Variants in DPP10 observed in about 807,000 individuals in gnomAD.
DPP10 encodes the protein inactive dipeptidyl peptidase 10.
In DPP10, 33 loss-of-function variants were observed where a neutral mutation model predicts 120.9. The observed-to-expected ratio is 0.27, with a 90% CI of 0.21 to 0.37. The LOEUF is 0.37. DPP10 is among the 10% of genes least tolerant of loss of function. The pLI is 1.00. For missense variants in DPP10, 816 were observed against 942.8 expected (o/e 0.87, Z 1.76); for synonymous variants, 337 against 326.1 (o/e 1.03, Z -0.36).
At chr2:115,371,862 A>G (rs936398920) in intron 3 of DPP10, among the ~76,000 whole-genome samples, 2 of 152,116 alleles carry the variant, frequency 1.3e-5, no homozygotes, top group Non-Finnish European at 2.9e-5. Flanking sequence ...CAATTAAATA[A>G]TTTGCTGATA....
chr2:115,763,722 C>T (rs1680378568), intron 12 of DPP10, among the ~76,000 whole-genome samples: 1 of 152,162 alleles, frequency 6.6e-6, no homozygotes, highest in Admixed American at 6.6e-5. Flanking sequence ...TTAAAATATG[C>T]ATTTAATTGT....
chr2:115,011,707 G>A (rs1384699090), intron 1 of DPP10, among the ~76,000 whole-genome samples: 1 of 152,144 alleles, frequency 6.6e-6, no homozygotes. Flanking sequence ...AACAGAGCAG[G>A]ATGTGGAGGC....
At chr2:115,691,041 A>G (rs1017587643) in intron 7 of DPP10, among the ~76,000 whole-genome samples, 2 of 152,138 alleles carry the variant, frequency 1.3e-5, no homozygotes, top group Non-Finnish European at 2.9e-5. Flanking sequence ...AACTTTTCAT[A>G]TGGTTACTGG....
intron 1 of DPP10, among the ~76,000 whole-genome samples, chr2:114,943,745 T>C (rs1308232243): frequency 1.3e-5 from 2 of 152,226 alleles, no homozygotes; most frequent in African/African-American, 4.8e-5. Flanking sequence ...AAGTCACAAA[T>C]ATTATAGAAA....
chr2:115,579,167 G>A (rs533909230), intron 5 of DPP10: 1 of 152,286 alleles, frequency 6.6e-6, no homozygotes, highest in East Asian at 1.9e-4. Context: ...AAGTGGCAGA[G>A]CTGGGGCATG....
At chr2:114,600,623 A>G (rs1692281033) in intron 1 of DPP10, among the ~76,000 whole-genome samples, 2 of 151,890 alleles carry the variant, frequency 1.3e-5, no homozygotes, top group Admixed American at 6.6e-5. Flanking sequence ...ATTTGACTTG[A>G]CACAGCTACA....
intron 1 of DPP10, among the ~76,000 whole-genome samples, chr2:114,973,993 A>G (rs1262110135): frequency 1.3e-5 from 2 of 152,210 alleles, no homozygotes; most frequent in Non-Finnish European, 2.9e-5. Context: ...CAGCTGTGCC[A>G]TGTGTTTTAA....
chr2:115,050,357 G>A (rs10166561), intron 1 of DPP10: 147,345 of 152,216 alleles, frequency 0.97, 71,520 homozygotes, highest in Middle Eastern at 1. Flanking sequence ...AACAGACCTC[G>A]CTCACAAATA....
intron 21 of DPP10, among the ~76,000 whole-genome samples, chr2:115,831,920 A>C (rs1000068334): frequency 5.9e-5 from 9 of 152,164 alleles, no homozygotes; most frequent in Admixed American, 2.6e-4. Flanking sequence ...CACAATGAAA[A>C]CAGAGCAGCC....
At chr2:114,953,387 G>T (rs1697939348) in intron 1 of DPP10, among the ~76,000 whole-genome samples, 1 of 152,038 alleles carries the variant, frequency 6.6e-6, no homozygotes, top group Non-Finnish European at 1.5e-5. Flanking sequence ...TAATTAACTG[G>T]ATACCATTAA....
intron 1 of DPP10, among the ~76,000 whole-genome samples, chr2:114,988,684 CA>C (rs1276335263): frequency 1.3e-5 from 2 of 152,144 alleles, no homozygotes; most frequent in East Asian, 3.8e-4. Context: ...CCATCAGCTT[CA>C]ATCTAGCTTT....
At chr2:115,024,562 T>G (rs964204739) in intron 1 of DPP10, among the ~76,000 whole-genome samples, 3 of 151,394 alleles carry the variant, frequency 2.0e-5, no homozygotes, top group Non-Finnish European at 4.4e-5. Flanking sequence ...TGTGATAATT[T>G]GATACATTCA....
chr2:115,407,389 G>A (rs2068595594), intron 3 of DPP10, among the ~76,000 whole-genome samples: 1 of 152,092 alleles, frequency 6.6e-6, no homozygotes, highest in Admixed American at 6.6e-5. Context: ...GGATAAACAC[G>A]AAGACCAATC....
At chr2:114,921,033 C>A (rs1417203405) in intron 1 of DPP10, among the ~76,000 whole-genome samples, 1 of 152,102 alleles carries the variant, frequency 6.6e-6, no homozygotes, top group Admixed American at 6.5e-5. Flanking sequence ...TGAATTCTTT[C>A]TTTTAATTTA....
intron 1 of DPP10, among the ~76,000 whole-genome samples, chr2:114,702,027 T>C (rs1202102504): frequency 6.6e-6 from 1 of 152,136 alleles, no homozygotes; most frequent in Non-Finnish European, 1.5e-5. Flanking sequence ...ATTTACTCAC[T>C]GTCTTTGAAG....
intron 4 of DPP10, among the ~76,000 whole-genome samples, chr2:115,512,677 G>C (rs888422898): frequency 4.0e-4 from 60 of 151,760 alleles, no homozygotes; most frequent in African/African-American, 1.4e-3. Context: ...CTGTTGTTTA[G>C]TATCTATATA....
At chr2:115,755,411 A>G (rs938013358) in intron 11 of DPP10, among the ~76,000 whole-genome samples, 2 of 152,216 alleles carry the variant, frequency 1.3e-5, no homozygotes, top group Non-Finnish European at 2.9e-5. Context: ...AACAGATATT[A>G]GGGAAAGGAC....
intron 1 of DPP10, among the ~76,000 whole-genome samples, chr2:114,612,939 A>T (rs187740974): frequency 1.1e-3 from 175 of 152,328 alleles, no homozygotes; most frequent in Non-Finnish European, 2.1e-3. Context: ...ACATTAAAAG[A>T]TGCTGTTAAA....
intron 5 of DPP10, among the ~76,000 whole-genome samples, chr2:115,663,926 C>T (rs2089230300): frequency 6.6e-6 from 1 of 151,792 alleles, no homozygotes. Flanking sequence ...ACCCGGGAGG[C>T]AGAGGTTGCA....
Sources: allele counts gnomAD v4.1 joint callset (sites outside exome capture counted in the v4.1 genomes callset), GRCh38; gene constraint gnomAD v4.1.1; transcripts MANE v1.5; gene names NCBI Gene and HGNC (gene_info 2026-07-23, HGNC 2026-07-21).